Variants in PDCD6 observed in about 807,000 individuals in gnomAD.
PDCD6 encodes programmed cell death protein 6.
Under a neutral mutation model 28.3 loss-of-function variants are expected in PDCD6, and 12 were observed. The observed-to-expected ratio is 0.42, with a 90% CI of 0.27 to 0.69. The LOEUF (loss-of-function observed/expected upper bound fraction) is 0.69. PDCD6 is among the 30% of genes least tolerant of loss of function. The pLI, the probability that PDCD6 is intolerant of heterozygous loss-of-function variation, is 0.22. For synonymous variants in PDCD6, 92 were observed against 108.0 expected, an observed-to-expected ratio of 0.85 and a Z score of 0.92; for missense variants, 226 against 269.9, an observed-to-expected ratio of 0.84 and a Z score of 1.14.
chr5:306,320 A>ACATC, intron 3 of PDCD6: 1 of 364,926 alleles, frequency 2.7e-6, no homozygotes, highest in Non-Finnish European at 5.2e-6. Flanking sequence ...ATTTCCTCAC[A>ACATC]CATCCCATTG....
intron 2 of PDCD6, among the ~76,000 whole-genome samples, chr5:302,374 G>A (rs1740135924): frequency 7.4e-6 from 1 of 135,146 alleles, no homozygotes; most frequent in South Asian, 2.3e-4. Flanking sequence ...ACTGCTGGAG[G>A]GTGGGTCGTG....
Position 271,788 on chromosome 5 carries a change from C to T in PDCD6, c.68C>T (p.Pro23Leu). ...GGGCCTGCTGCAGGCGCGGCGCTGC[C>T]GGACCAGAGCTTCCTGTGGAACGTT... ...GPGPAAGAALPDQSFLWNVFQ... is the reference protein window; with the variant it reads ...GPGPAAGAALLDQSFLWNVFQ... Residue 23 changes from proline to leucine, a missense_variant, in exon 1 of 6, where the codon CCG (proline) becomes CTG (leucine). Transcript: ENST00000264933. 11 of 1,473,808 alleles carry T rather than the reference C, an allele frequency of 7.5e-6. No individual in the cohort carries two copies. The highest frequency in any genetic ancestry group is 9.8e-6 in the Non-Finnish European group (11 of 1,118,164). 91.3% of individuals were successfully genotyped at this position (1,473,808 alleles called of 1,614,324 possible).
intron 2 of PDCD6, among the ~76,000 whole-genome samples, chr5:297,322 T>G (rs1007269947): frequency 1.5e-4 from 23 of 152,358 alleles, no homozygotes; most frequent in Non-Finnish European, 2.1e-4. Context: ...TAGCAGAAAC[T>G]TATGCTTCTT....
chr5:311,299 G>T lies in PDCD6; in HGVS notation c.374G>T (p.Arg125Leu), dbSNP rs776613586. The part of the protein sequence containing the change: ...LKQALSGFGY[R>L]LSDQFHDILI... ...CTGACTTTCCCTCTTGAAGGCTACC[G>T]GCTCTCTGACCAGTTCCACGACATC... is the stretch of plus-strand genomic sequence containing the variant. The change falls in exon 5 of 6, where the codon CGG becomes CTG. Residue 125 changes from arginine to leucine, a missense_variant. Physicochemically the swap from Arg to Leu is moderately radical, Grantham distance 102. This residue lies in a region of PDCD6 where 151 missense variants were observed against 177.2 expected (regional missense o/e 0.85). Coordinates refer to ENST00000264933, the MANE Select transcript of PDCD6 (RefSeq NM_013232.4). The T allele has an allele frequency of 6.2e-7, 1 of 1,613,728 alleles. No homozygotes were observed. The highest frequency in any genetic ancestry group is 8.5e-7 in the Non-Finnish European group (1 of 1,179,722).
chr5:314,319 G>A (rs1579563775), intron 5 of PDCD6, 98 bp from the exon 6 acceptor site: 7 of 798,680 alleles, frequency 8.8e-6, no homozygotes, highest in Non-Finnish European at 1.5e-5. Context: ...CCCAGAAGAC[G>A]TGTGTGCTTC....
intron 2 of PDCD6, chr5:276,636 C>T: frequency 1.0e-6 from 1 of 980,356 alleles, no homozygotes; most frequent in Non-Finnish European, 1.2e-6. Flanking sequence ...GATTGGGCTT[C>T]TGTTTTGATA....
At chr5:302,121 G>A (rs994485419) in intron 2 of PDCD6, among the ~76,000 whole-genome samples, 3 of 97,936 alleles carry the variant, frequency 3.1e-5, no homozygotes, top group African/African-American at 6.5e-5. Context: ...TTGGGTTCAG[G>A]TGCACCTGCC....
intron 2 of PDCD6, among the ~76,000 whole-genome samples, chr5:290,977 G>C (rs1466076001): frequency 6.6e-6 from 1 of 152,138 alleles, no homozygotes; most frequent in Non-Finnish European, 1.5e-5. Context: ...GTACAGGATG[G>C]GTAAGGTATA....
chr5:274,415 T>C (rs192334922), intron 2 of PDCD6, among the ~76,000 whole-genome samples: 3 of 152,360 alleles, frequency 2.0e-5, no homozygotes, highest in Non-Finnish European at 4.4e-5. Context: ...ACTGGAGTGC[T>C]TTGGGGCCTG....
At chr5:300,158 G>T (rs1739962058) in intron 2 of PDCD6, among the ~76,000 whole-genome samples, 1 of 152,244 alleles carries the variant, frequency 6.6e-6, no homozygotes, top group South Asian at 2.1e-4. Context: ...AGCTCCTGCA[G>T]TGTTCTGACT....
intron 2 of PDCD6, among the ~76,000 whole-genome samples, chr5:302,070 C>CTGTGTGTGTGTGTGTGTGTGTGTGTGTG (rs369323059): frequency 3.5e-5 from 2 of 57,690 alleles, no homozygotes; most frequent in Non-Finnish European, 6.8e-5. Context: ...GAGTGCTGCT[C>CTGTGTGTGTGTGTGTGTGTGTGTGTGTG]TGTGTGTGTG....
intron 2 of PDCD6, among the ~76,000 whole-genome samples, chr5:273,629 A>G (rs1347083058): frequency 2.6e-5 from 4 of 152,214 alleles, no homozygotes; most frequent in East Asian, 1.9e-4. Context: ...TGAAGTTGCC[A>G]GAGACTGAAC....
At chr5:273,497 A>T (rs1251454489) in intron 2 of PDCD6, 1 of 152,624 alleles carries the variant, frequency 6.6e-6, no homozygotes, top group African/African-American at 2.4e-5. Context: ...AGGGGCAGTC[A>T]TCTTTTCTGA....
intron 2 of PDCD6, among the ~76,000 whole-genome samples, chr5:275,603 C>G (rs1250426769): frequency 6.6e-6 from 1 of 152,202 alleles, no homozygotes; most frequent in Admixed American, 6.5e-5. Context: ...TCTTCTCAAC[C>G]AATATGATTC....
At chr5:293,294 T>C (rs1299908638) in intron 2 of PDCD6, among the ~76,000 whole-genome samples, 57 of 126,096 alleles carry the variant, frequency 4.5e-4, no homozygotes, top group East Asian at 1.0e-3. Context: ...CTGTCAGAGA[T>C]GGAGAAAGGT....
chr5:314,231 C>T (rs4957020), intron 5 of PDCD6, among the ~76,000 whole-genome samples, 186 bp from the exon 6 acceptor site: 57,242 of 152,116 alleles, frequency 0.38, 12,469 homozygotes, highest in South Asian at 0.51. Flanking sequence ...CTGTGTTCTT[C>T]GTTCTTCGCA....
Position 275,295 on chromosome 5 carries a change from C to T in PDCD6, c.163+2523C>T, listed in dbSNP as rs1479648663. On this transcript the variant is annotated intron_variant, in intron 2 of 5. Transcript: ENST00000264933. ...AGATTTCCTCAGCTTGTGCTGGGGGCATGTGGCCCCATGAAGCCCGTAGTC... is the reference window on the plus strand; with the variant it reads ...AGATTTCCTCAGCTTGTGCTGGGGGTATGTGGCCCCATGAAGCCCGTAGTC... Among the ~76,000 whole-genome samples the T allele has an allele frequency of 3.9e-5, 6 of 152,214 alleles. No individual in the cohort carries two copies. The South Asian group carries it at 8.3e-4, about 21-fold the overall frequency.
At position 271,731 on chromosome 5, in the gene PDCD6, A is replaced by C; in HGVS notation, c.11A>C (p.Tyr4Ser). The C allele has an allele frequency of 6.5e-7, 1 of 1,535,202 alleles. No individual in the cohort carries two copies. Residue 4 changes from tyrosine to serine, a missense_variant, in exon 1 of 6, where the codon TAC becomes TCC. Physicochemically the swap from Tyr to Ser is moderately radical, Grantham distance 144 (BLOSUM62 -2). Coordinates refer to ENST00000264933, the MANE Select transcript of PDCD6 (RefSeq NM_013232.4). ...CGCGTGCCTTGGCCCATGGCCGCCT[A>C]CTCTTACCGCCCCGGCCCTGGGGCC... The part of the protein sequence containing the change: MAA[Y>S]SYRPGPGAGP...
At chr5:283,670 G>A (rs563908267) in intron 2 of PDCD6, among the ~76,000 whole-genome samples, 1 of 150,114 alleles carries the variant, frequency 6.7e-6, no homozygotes, top group Admixed American at 6.6e-5. Flanking sequence ...TCTAGTTTGA[G>A]GGTTGTGCAG....
Sources: allele counts gnomAD v4.1 joint callset (sites outside exome capture counted in the v4.1 genomes callset), GRCh38; gene constraint gnomAD v4.1.1; regional missense constraint gnomAD v4.1.1; transcripts MANE v1.5; gene names NCBI Gene and HGNC (gene_info 2026-07-23, HGNC 2026-07-21).